Variants in PRKCH observed in about 807,000 individuals in gnomAD.
PRKCH encodes protein kinase C eta type.
A neutral mutation model predicts 82.5 loss-of-function variants in PRKCH; 28 were observed. That is an observed-to-expected ratio of 0.34 (90% CI 0.25 to 0.47). The LOEUF (loss-of-function observed/expected upper bound fraction) is 0.47. PRKCH is among the 20% of genes least tolerant of loss of function. PRKCH has a pLI of 1.00. For synonymous variants in PRKCH, 322 were observed against 327.4 expected, an observed-to-expected ratio of 0.98 and a Z score of 0.18; for missense variants, 705 against 881.8, an observed-to-expected ratio of 0.80 and a Z score of 2.54.
In PRKCH at chr14:61,188,584, T is replaced by A. The variant is rs1185115061; in HGVS notation, c.-19+916T>A. Among the ~76,000 whole-genome samples the A allele has an allele frequency of 7.2e-5, 5 of 69,344 alleles. 1 individual carries two copies. In the Admixed American group the frequency reaches 7.5e-4, roughly 10 times the overall value. The allele number at this position is 69,344 out of a possible 152,430, so 45.5% of individuals were successfully genotyped here. Reference sequence around the variant, plus strand: ...CCCAGACGTTGCTGTAGTGTGTGTGTGTGTCGGGGGGGTGGGGGGGTGGTG... The same window carrying A: ...CCCAGACGTTGCTGTAGTGTGTGTGAGTGTCGGGGGGGTGGGGGGGTGGTG... On this transcript the variant is annotated intron_variant, in intron 1 of 3. Coordinates refer to the PRKCH transcript ENST00000555185.
chr14:61,503,112 A>G (rs1886992582), intron 10 of PRKCH, among the ~76,000 whole-genome samples: 1 of 151,754 alleles, frequency 6.6e-6, no homozygotes, highest in African/African-American at 2.4e-5. Context: ...TGACAAAAGC[A>G]AACCCAAAAT....
upstream of PRKCH, among the ~76,000 whole-genome samples, chr14:61,316,971 G>C (rs959729139): frequency 6.6e-6 from 1 of 152,204 alleles, no homozygotes; most frequent in South Asian, 2.1e-4. Flanking sequence ...AAAAGTGCTT[G>C]AGCCAGATGG....
At chr14:61,328,275 A>G (rs1439636749) in intron 1 of PRKCH, among the ~76,000 whole-genome samples, 1 of 150,848 alleles carries the variant, frequency 6.6e-6, no homozygotes, top group Non-Finnish European at 1.5e-5. Context: ...AAAAAAAAAA[A>G]AAAAAAGAAA....
intron 2 of PRKCH, among the ~76,000 whole-genome samples, chr14:61,403,731 A>T (rs7141628): frequency 0.11 from 17,468 of 152,202 alleles, 1,484 homozygotes; most frequent in East Asian, 0.3. Context: ...ACAGAGCCTC[A>T]GGAGACACAT....
intron 10 of PRKCH, among the ~76,000 whole-genome samples, chr14:61,508,219 C>T (rs1887236699): frequency 6.6e-6 from 1 of 152,116 alleles, no homozygotes; most frequent in Non-Finnish European, 1.5e-5. Flanking sequence ...AACCACAGCT[C>T]ACAAAATGCC....
chr14:61,527,514 A>G (rs1301340370), intron 10 of PRKCH, among the ~76,000 whole-genome samples: 1 of 151,824 alleles, frequency 6.6e-6, no homozygotes, highest in African/African-American at 2.4e-5. Flanking sequence ...TTTCCATTCC[A>G]TTCATCACTG....
At chr14:61,447,525 T>G (rs931182881) in intron 4 of PRKCH, among the ~76,000 whole-genome samples, 3 of 152,198 alleles carry the variant, frequency 2.0e-5, no homozygotes, top group Non-Finnish European at 4.4e-5. Flanking sequence ...TTTACCAACA[T>G]AGACCACATT....
chr14:61,274,826 T>C (rs2045188523), intron 1 of PRKCH, among the ~76,000 whole-genome samples: 1 of 152,150 alleles, frequency 6.6e-6, no homozygotes, highest in African/African-American at 2.4e-5. Context: ...GAAGTTAGGG[T>C]TGGAGACACA....
In PRKCH at chr14:61,280,170, G is replaced by A. The variant is rs1294965756; in HGVS notation, c.-19+92502G>A. ...TGACAAAGCCGGTGAGGATGCAGAG[G>A]GAGCCGACGACCAGGTAGGCGATGC... On this transcript the variant is annotated intron_variant, in intron 1 of 3. Coordinates refer to the PRKCH transcript ENST00000555185. This position sits in a 1 kb window ranked among gnomAD's most constrained non-coding sequence, Gnocchi z 5.0. The A allele has an allele frequency of 1.2e-6, 2 of 1,614,140 alleles. No individual in the cohort carries two copies. The highest frequency in any genetic ancestry group is 4.5e-5 in the East Asian group (2 of 44,862).
At chr14:61,299,890 A>T (rs532294705) in intron 1 of PRKCH, 11 of 152,252 alleles carry the variant, frequency 7.2e-5, no homozygotes, top group Non-Finnish European at 1.5e-4. Context: ...AGAAAATGTG[A>T]TCATAAACCT....
At chr14:61,318,035 A>C (rs1594907360), upstream of PRKCH, among the ~76,000 whole-genome samples, 2 of 147,824 alleles carry the variant, frequency 1.4e-5, no homozygotes, top group Non-Finnish European at 1.5e-5. Flanking sequence ...CTCCCCTCCC[A>C]CCCCCAACTC....
At chr14:61,281,380 A>AC in intron 1 of PRKCH, 1 of 340,198 alleles carries the variant, frequency 2.9e-6, no homozygotes, top group African/African-American at 2.2e-5. Flanking sequence ...GGTGCGCTGC[A>AC]CCCCCGCGGG....
chr14:61,415,294 G>A (rs192315462), intron 2 of PRKCH, among the ~76,000 whole-genome samples: 23 of 152,304 alleles, frequency 1.5e-4, no homozygotes, highest in Non-Finnish European at 2.9e-4. Context: ...GGTATAAAGT[G>A]AGGCAAAGAA....
chr14:61,381,100 G>A (rs767509614), intron 1 of PRKCH, among the ~76,000 whole-genome samples: 8 of 152,120 alleles, frequency 5.3e-5, no homozygotes, highest in Non-Finnish European at 1.2e-4. Context: ...TTAGGACTTG[G>A]AACCTTAGAA....
intron 9 of PRKCH, among the ~76,000 whole-genome samples, chr14:61,479,706 G>A (rs1885882784): frequency 6.6e-6 from 1 of 152,180 alleles, no homozygotes; most frequent in South Asian, 2.1e-4. Flanking sequence ...ATTATTCGGG[G>A]GATATTTTTA....
At chr14:61,215,023 G>C (rs1024170680) in intron 1 of PRKCH, among the ~76,000 whole-genome samples, 2 of 152,134 alleles carry the variant, frequency 1.3e-5, no homozygotes, top group African/African-American at 2.4e-5. Context: ...ATTAAAGATC[G>C]ATTGCATTTA....
chr14:61,222,961 T>C (rs983990264), intron 1 of PRKCH, among the ~76,000 whole-genome samples: 2 of 152,192 alleles, frequency 1.3e-5, no homozygotes, highest in Admixed American at 1.3e-4. Context: ...ATTTTCAGCC[T>C]GTCAGGACGC....
intron 2 of PRKCH, among the ~76,000 whole-genome samples, chr14:61,438,270 C>T (rs1197965194): frequency 6.6e-6 from 1 of 152,076 alleles, no homozygotes; most frequent in East Asian, 1.9e-4. Flanking sequence ...CAGTGTAGCC[C>T]CCTTAAAGAT....
At chr14:61,519,765 A>C (rs1014467189) in intron 10 of PRKCH, among the ~76,000 whole-genome samples, 6 of 152,272 alleles carry the variant, frequency 3.9e-5, no homozygotes, top group African/African-American at 1.2e-4. Context: ...ATTCATTTTC[A>C]TACTTAAGTT....
Sources: allele counts gnomAD v4.1 joint callset (sites outside exome capture counted in the v4.1 genomes callset), GRCh38; gene constraint gnomAD v4.1.1; non-coding constraint Gnocchi (gnomAD v3.1); transcripts MANE v1.5; gene names NCBI Gene and HGNC (gene_info 2026-07-23, HGNC 2026-07-21).